The following CNTLN variants were observed in gnomAD, a reference collection of about 807,000 sequenced individuals.
CNTLN encodes centlein, centrosomal protein.
In CNTLN, 212 loss-of-function variants were observed where a neutral mutation model predicts 180.0. The ratio of observed to expected loss-of-function variants is 1.18; its 90% CI spans 1.05 to 1.32. CNTLN has a LOEUF of 1.32. CNTLN is among the 40% of genes most tolerant of loss of function. The pLI is 0.00. For synonymous variants in CNTLN, 722 were observed against 563.1 expected (o/e 1.28, Z -3.99); for missense variants, 2,095 against 1,610.9 (o/e 1.30, Z -5.14).
the CNTLN span, among the ~76,000 whole-genome samples, chr9:17,519,482 C>T: frequency 6.6e-6 from 1 of 152,106 alleles, no homozygotes; most frequent in African/African-American, 2.4e-5. Flanking sequence ...ATATTAAATT[C>T]TGAAACATAA....
chr9:17,159,231 T>G (rs572500196), intron 2 of CNTLN, among the ~76,000 whole-genome samples: 1 of 152,346 alleles, frequency 6.6e-6, no homozygotes, highest in South Asian at 2.1e-4. Flanking sequence ...GACTAGAACT[T>G]CTAAGCTTGA....
chr9:17,473,385 A>C (rs1832136184), intron 23 of CNTLN, among the ~76,000 whole-genome samples: 2 of 151,018 alleles, frequency 1.3e-5, no homozygotes, highest in Admixed American at 1.3e-4. Context: ...CATTCCTCCC[A>C]AATCTGTACC....
At chr9:17,190,349 A>T (rs944883700) in intron 2 of CNTLN, among the ~76,000 whole-genome samples, 3 of 152,018 alleles carry the variant, frequency 2.0e-5, no homozygotes, top group Admixed American at 1.3e-4. Context: ...TCAGCTTTGT[A>T]TGCTGAGGAA....
At chr9:17,512,482 A>G in the CNTLN span, among the ~76,000 whole-genome samples, 1 of 152,226 alleles carries the variant, frequency 6.6e-6, no homozygotes, top group Non-Finnish European at 1.5e-5. Flanking sequence ...CCACATGGAC[A>G]TAAAGATGGA....
In CNTLN at chr9:17,415,771, G is replaced by C. The variant is rs776418623; in HGVS notation, c.2797-17G>C. ...TATTGAAGAATAATACCATTTTTATGAAATCTTCAAATTTAGGACTATTTT... is the reference window on the plus strand; with the variant it reads ...TATTGAAGAATAATACCATTTTTATCAAATCTTCAAATTTAGGACTATTTT... On this transcript the variant is annotated splice_polypyrimidine_tract_variant and intron_variant, in intron 16 of 25. Transcript: ENST00000380647. The C allele has an allele frequency of 7.0e-7, 1 of 1,431,906 alleles. No individual in the cohort carries two copies. Among genetic ancestry groups the C allele is most frequent in the Non-Finnish European group, 9.8e-7 (1 of 1,020,046 alleles). The allele number at this position is 1,431,906 out of a possible 1,614,324, so 88.7% of individuals were successfully genotyped here.
In CNTLN at chr9:17,135,175, A is replaced by G. The variant is rs1229702534; in HGVS notation, c.110A>G (p.Glu37Gly). Residue 37 changes from glutamate to glycine, a missense_variant, in exon 1 of 26, where the codon GAG (glutamate) becomes GGG (glycine). Transcript: ENST00000380647. ...GCTGAAGTACACGCAATGCGCAGCG[A>G]GGCCTCGGGTTTTGCCGGCGCAGCG... ...RGAEVHAMRSEASGFAGAARE... is the reference protein window; with the variant it reads ...RGAEVHAMRSGASGFAGAARE... 9 of 1,610,282 alleles carry G rather than the reference A, an allele frequency of 5.6e-6. No individual in the cohort carries two copies. The East Asian group carries it at 1.1e-4, about 20-fold the overall frequency.
At chr9:17,439,627 A>G (rs958800738) in intron 18 of CNTLN, among the ~76,000 whole-genome samples, 3 of 152,234 alleles carry the variant, frequency 2.0e-5, no homozygotes, top group Non-Finnish European at 4.4e-5. Flanking sequence ...AGAGCTAAAC[A>G]TTTTATTTAA....
Position 17,486,974 on chromosome 9 carries a change from A to ATTTTT in CNTLN, c.4042-11_4042-7dup, listed in dbSNP as rs757096311. 4 of 1,489,574 alleles carry ATTTTT rather than the reference A, an allele frequency of 2.7e-6. No homozygotes were observed. The highest frequency in any genetic ancestry group is 1.8e-6 in the Non-Finnish European group (2 of 1,089,494). 92.3% of individuals were successfully genotyped at this position (1,489,574 alleles called of 1,614,324 possible). A position where few individuals can be genotyped will look rare whatever the true frequency, so the allele number is the denominator to read the frequency against. On this transcript the variant is annotated splice_polypyrimidine_tract_variant and intron_variant, in intron 24 of 25. Coordinates refer to ENST00000380647, the MANE Select transcript of CNTLN (RefSeq NM_017738.4). ...AAATTTCGTTAACACCAGTGTTTTT[A>ATTTTT]TTTTTTTTCTTCAGGAAATTGAAAA...
At chr9:17,317,792 A>G (rs1403942245) in intron 8 of CNTLN, among the ~76,000 whole-genome samples, 1 of 152,166 alleles carries the variant, frequency 6.6e-6, no homozygotes, top group Non-Finnish European at 1.5e-5. Context: ...TTGCCTAGTA[A>G]GGAGGCGAGT....
At chr9:17,379,204 A>T (rs942807234) in intron 13 of CNTLN, among the ~76,000 whole-genome samples, 1 of 151,726 alleles carries the variant, frequency 6.6e-6, no homozygotes, top group Non-Finnish European at 1.5e-5. Flanking sequence ...CTACTACTGC[A>T]CCTGTATGAG....
At chr9:17,487,604 A>T (rs1185886041) in intron 25 of CNTLN, among the ~76,000 whole-genome samples, 2 of 152,144 alleles carry the variant, frequency 1.3e-5, no homozygotes, top group African/African-American at 4.8e-5. Context: ...GTCAATGCAG[A>T]AAGAATGAAA....
intron 5 of CNTLN, among the ~76,000 whole-genome samples, chr9:17,270,429 T>G (rs1031789275): frequency 2.0e-5 from 3 of 152,208 alleles, no homozygotes; most frequent in African/African-American, 7.2e-5. Context: ...GATTTTCTAA[T>G]GTTAAGGCAT....
At position 17,160,258 on chromosome 9, in the gene CNTLN, C is replaced by T. The variant is rs759178023; in HGVS notation, c.449+16882C>T. 1.8e-4 allele frequency among the ~76,000 whole-genome samples: 28 copies of T among 152,034 alleles called. No individual in the cohort carries two copies. In the East Asian group the frequency reaches 1.9e-3, roughly 10 times the overall value. On this transcript the variant is annotated intron_variant, in intron 2 of 25. Coordinates refer to ENST00000380647, the MANE Select transcript of CNTLN (RefSeq NM_017738.4). ...GTGAACTCTAAGGGCCATTTTATAT[C>T]GTTTTCTATGGGATTTTTCTTTTAT...
intron 18 of CNTLN, among the ~76,000 whole-genome samples, chr9:17,437,894 A>G (rs913122897): frequency 6.6e-6 from 1 of 152,144 alleles, no homozygotes; most frequent in Non-Finnish European, 1.5e-5. Context: ...GTCATTCTTG[A>G]TTAAGGCTTT....
chr9:17,268,333 G>T (rs190638587), intron 5 of CNTLN, among the ~76,000 whole-genome samples: 7 of 152,118 alleles, frequency 4.6e-5, no homozygotes, highest in African/African-American at 1.7e-4. Flanking sequence ...TATCAGCAGC[G>T]GTGGCTTTAG....
chr9:17,348,528 C>G (rs12551355), intron 12 of CNTLN, among the ~76,000 whole-genome samples: 34,586 of 148,714 alleles, frequency 0.23, 4,232 homozygotes, highest in South Asian at 0.37. Context: ...TTCTTTCTTT[C>G]TTTCTTTTTT....
At chr9:17,349,678 T>C (rs956257920) in intron 12 of CNTLN, among the ~76,000 whole-genome samples, 1 of 152,162 alleles carries the variant, frequency 6.6e-6, no homozygotes. Flanking sequence ...ATAGTTCCTA[T>C]AATATTTCAT....
intron 2 of CNTLN, among the ~76,000 whole-genome samples, chr9:17,205,023 G>C (rs565692931): frequency 5.9e-5 from 9 of 152,288 alleles, no homozygotes; most frequent in African/African-American, 2.2e-4. Flanking sequence ...ATTCATTGCA[G>C]GTGCCCCTCC....
intron 13 of CNTLN, among the ~76,000 whole-genome samples, chr9:17,377,470 G>A (rs1193533259): frequency 6.6e-6 from 1 of 152,104 alleles, no homozygotes; most frequent in Non-Finnish European, 1.5e-5. Context: ...GAACACAGTG[G>A]GCAGAGGTTG....
Sources: gnomAD v4.1 joint callset for allele counts (sites outside exome capture counted in the v4.1 genomes callset) on GRCh38, gnomAD v4.1.1 for gene constraint, MANE v1.5 for transcripts, NCBI Gene and HGNC (gene_info 2026-07-23, HGNC 2026-07-21) for gene names.